The following BCL2L1 variants were observed in gnomAD, a reference collection of about 807,000 sequenced individuals.
BCL2L1 encodes the protein bcl-2-like protein 1.
Under a neutral mutation model 18.7 loss-of-function variants are expected in BCL2L1, and 1 was observed. That is an observed-to-expected ratio of 0.05 (90% CI 0.02 to 0.25). The LOEUF is 0.25. Ranked by LOEUF, BCL2L1 falls within the 10% of genes least tolerant of loss-of-function variation. The probability of loss-of-function intolerance (pLI) is 1.00; values close to 1 mark genes in which losing one functional copy is unlikely to be tolerated. For missense variants in BCL2L1, 207 were observed against 304.9 expected, an observed-to-expected ratio of 0.68 and a Z score of 2.39; for synonymous variants, 103 against 122.7, an observed-to-expected ratio of 0.84 and a Z score of 1.06.
chr20:31,678,164 G>A (rs2060794753), intron 2 of BCL2L1, among the ~76,000 whole-genome samples: 1 of 152,148 alleles, frequency 6.6e-6, no homozygotes, highest in Non-Finnish European at 1.5e-5. Context: ...CCAAAAACTA[G>A]GACTTCTTTC....
intron 2 of BCL2L1, among the ~76,000 whole-genome samples, chr20:31,676,323 C>G (rs1299114415): frequency 6.6e-6 from 1 of 152,146 alleles, no homozygotes; most frequent in Non-Finnish European, 1.5e-5. Context: ...TTATTACTCT[C>G]CAGCTTACAG....
chr20:31,689,385 G>GT (rs1397003867), intron 2 of BCL2L1, among the ~76,000 whole-genome samples: 2 of 144,154 alleles, frequency 1.4e-5, no homozygotes, highest in Non-Finnish European at 3.0e-5. Flanking sequence ...GAGACCAGGA[G>GT]TTCGAAACCA....
rs551609615 is a variant in BCL2L1, at chr20:31,718,159, A to C, written c.564+3496T>G. Reference sequence around the variant, plus strand: ...CATTATTCCATTTTACAGGCGGGAGAGACAGATGGACAAGACAGCCGAACA... The same window carrying C: ...CATTATTCCATTTTACAGGCGGGAGCGACAGATGGACAAGACAGCCGAACA... On this transcript the variant is annotated intron_variant, in intron 2 of 2. Coordinates refer to ENST00000307677, the MANE Select transcript of BCL2L1 (RefSeq NM_138578.3). Among the ~76,000 whole-genome samples the C allele has an allele frequency of 1.4e-3, 209 of 152,192 alleles. 2 individuals carry two copies. In the South Asian group the frequency reaches 0.018, roughly 13 times the overall value.
chr20:31,697,366 C>G (rs2122671590), intron 2 of BCL2L1, among the ~76,000 whole-genome samples: 1 of 151,954 alleles, frequency 6.6e-6, no homozygotes, highest in South Asian at 2.1e-4. Flanking sequence ...TGGAAGGAGC[C>G]TATTCAAATG....
At chr20:31,689,861 C>CA (rs2061030743) in intron 2 of BCL2L1, among the ~76,000 whole-genome samples, 1 of 152,100 alleles carries the variant, frequency 6.6e-6, no homozygotes, top group African/African-American at 2.4e-5. Context: ...GCTAAAAATA[C>CA]AAAAAATTAG....
chr20:31,683,167 CAA>C (rs1267893011), intron 2 of BCL2L1, among the ~76,000 whole-genome samples: 4 of 152,210 alleles, frequency 2.6e-5, no homozygotes, highest in Non-Finnish European at 5.9e-5. Flanking sequence ...ACTGCTCACA[CAA>C]ACTTTCCTTT....
chr20:31,691,929 A>C (rs2061082033), intron 2 of BCL2L1, among the ~76,000 whole-genome samples: 1 of 152,244 alleles, frequency 6.6e-6, no homozygotes. Flanking sequence ...AGTAATGGAA[A>C]ACCCATATGC....
At position 31,719,674 on chromosome 20, in the gene BCL2L1, TA is replaced by T. The variant is rs555272670; in HGVS notation, c.564+1980del. Reference sequence around the variant, plus strand: ...GAATTTCAACCCCATGGAGATCTAATAAACTTACCCAGAGTTGCTGTGTCTA... The same window carrying T: ...GAATTTCAACCCCATGGAGATCTAATAACTTACCCAGAGTTGCTGTGTCTA... On this transcript the variant is annotated intron_variant, in intron 2 of 2. Coordinates refer to ENST00000307677, the MANE Select transcript of BCL2L1 (RefSeq NM_138578.3). Among the ~76,000 whole-genome samples, 38 of 152,334 alleles carry T rather than the reference TA, an allele frequency of 2.5e-4. No individual in the cohort carries two copies. The East Asian group carries it at 5.4e-3, about 22-fold the overall frequency.
At chr20:31,673,322 C>T (rs2060703145) in intron 2 of BCL2L1, among the ~76,000 whole-genome samples, 1 of 151,908 alleles carries the variant, frequency 6.6e-6, no homozygotes, top group Non-Finnish European at 1.5e-5. Flanking sequence ...GATCCACCTT[C>T]CTTGGCCTCC....
chr20:31,708,911 C>G (rs1312668766), intron 2 of BCL2L1, among the ~76,000 whole-genome samples: 1 of 152,178 alleles, frequency 6.6e-6, no homozygotes, highest in Non-Finnish European at 1.5e-5. Context: ...TGCCAAAAGG[C>G]TTCAATCAAT....
intron 2 of BCL2L1, among the ~76,000 whole-genome samples, chr20:31,710,871 T>C (rs752571348): frequency 6.6e-6 from 1 of 152,218 alleles, no homozygotes; most frequent in Non-Finnish European, 1.5e-5. Flanking sequence ...TTCATGTTCA[T>C]TGAGCAGGCC....
chr20:31,719,232 A>C (rs535458454), intron 2 of BCL2L1, among the ~76,000 whole-genome samples: 2 of 152,346 alleles, frequency 1.3e-5, no homozygotes, highest in South Asian at 4.1e-4. Flanking sequence ...AGAGGACCTA[A>C]CACAGTGCCT....
intron 2 of BCL2L1, among the ~76,000 whole-genome samples, chr20:31,667,659 T>G (rs530843070): frequency 7.9e-5 from 12 of 152,022 alleles, no homozygotes; most frequent in African/African-American, 2.2e-4. Context: ...AGGTCTCACC[T>G]ATCAATTTGC....
At chr20:31,687,690 A>G (rs1004623601) in intron 2 of BCL2L1, among the ~76,000 whole-genome samples, 2 of 151,742 alleles carry the variant, frequency 1.3e-5, no homozygotes, top group East Asian at 3.9e-4. Context: ...AAAAAAAAAA[A>G]AAAAAAGAAA....
At chr20:31,715,987 C>T (rs957044051) in intron 2 of BCL2L1, among the ~76,000 whole-genome samples, 4 of 152,198 alleles carry the variant, frequency 2.6e-5, no homozygotes, top group South Asian at 2.1e-4. Context: ...CACAGACACA[C>T]GCCACCACCA....
intron 2 of BCL2L1, among the ~76,000 whole-genome samples, chr20:31,705,634 A>T (rs2061359364): frequency 6.6e-6 from 1 of 152,220 alleles, no homozygotes; most frequent in African/African-American, 2.4e-5. Context: ...TAGAACCCAG[A>T]GGAGGGGGCC....
intron 2 of BCL2L1, among the ~76,000 whole-genome samples, chr20:31,692,513 C>T (rs779596003): frequency 1.3e-5 from 2 of 152,020 alleles, no homozygotes. Flanking sequence ...CAGTGGCTCA[C>T]GCCTGTAATC....
At chr20:31,720,624 G>A in intron 2 of BCL2L1, 1 of 984,988 alleles carries the variant, frequency 1.0e-6, no homozygotes, top group Non-Finnish European at 1.2e-6. Context: ...GTCAGTCACT[G>A]TGCTCACATT....
chr20:31,700,972 C>G (rs1488067941), intron 2 of BCL2L1, among the ~76,000 whole-genome samples: 1 of 152,202 alleles, frequency 6.6e-6, no homozygotes, highest in Non-Finnish European at 1.5e-5. Context: ...AATCCAGGAG[C>G]CCAGCTGATG....
Sources: allele counts gnomAD v4.1 joint callset (sites outside exome capture counted in the v4.1 genomes callset), GRCh38; gene constraint gnomAD v4.1.1; transcripts MANE v1.5; gene names NCBI Gene and HGNC (gene_info 2026-07-23, HGNC 2026-07-21).